Variants in MIDEAS observed in about 807,000 individuals in gnomAD.
MIDEAS encodes mitotic deacetylase associated SANT domain protein.
Under a neutral mutation model 102.7 loss-of-function variants are expected in MIDEAS, and 26 were observed. That is an observed-to-expected ratio of 0.25 (90% CI 0.19 to 0.35). The LOEUF is 0.35. Among genes scored for constraint, MIDEAS ranks in the 10% least tolerant of loss-of-function variants. The probability of loss-of-function intolerance (pLI) is 1.00; values close to 1 mark genes in which losing one functional copy is unlikely to be tolerated. For synonymous variants in MIDEAS, 585 were observed against 591.0 expected, an observed-to-expected ratio of 0.99 and a Z score of 0.15; for missense variants, 1,231 against 1,435.6, an observed-to-expected ratio of 0.86 and a Z score of 2.30.
rs758270399 is a variant in MIDEAS, at chr14:73,729,770, C to T, written c.1965G>A (p.Thr655=). 29 of 1,613,808 alleles carry T rather than the reference C, an allele frequency of 1.8e-5. No individual in the cohort carries two copies. Among genetic ancestry groups the T allele is most frequent in the South Asian group, 6.6e-5 (6 of 91,088 alleles). ...SERSFELPPY[T]PPPILSPVRE... ...GCACAGGGCTGAGGATGGGGGGCGG[C>T]GTGTAGGGAGGTAGCTCAAAGCTCC... Residue 655 remains threonine (T), a synonymous_variant, in exon 4 of 13, where the codon ACG becomes ACA. Coordinates refer to ENST00000423556, the MANE Select transcript of MIDEAS (RefSeq NM_001367710.1).
intron 1 of MIDEAS, among the ~76,000 whole-genome samples, chr14:73,768,511 CTTTTTTTT>C (rs59819061): frequency 0.26 from 35,656 of 138,550 alleles, 4,283 homozygotes; most frequent in Middle Eastern, 0.36. Flanking sequence ...TTATTGCCAA[CTTTTTTTT>C]TTTTTTTTTT....
rs1595251987 is a variant in MIDEAS, at chr14:73,722,696, A to C, written c.2724+2T>G. On this transcript the variant is annotated splice_donor_variant, in intron 10 of 12. Coordinates refer to ENST00000423556, the MANE Select transcript of MIDEAS (RefSeq NM_001367710.1). LOFTEE classifies it high-confidence loss of function. ...TGCAGCTGAGGTTGGAAAAGGAGTC[A>C]CCTTAATATCCACTTCAACCTCTTC... 1.2e-6 allele frequency: 2 copies of C among 1,613,588 alleles called. No individual in the cohort carries two copies. The highest frequency in any genetic ancestry group is 1.7e-6 in the Non-Finnish European group (2 of 1,179,684).
At position 73,726,111 on chromosome 14, in the gene MIDEAS, G is replaced by A. The variant is rs368547963; in HGVS notation, c.2410-3C>T. ...AGCAGCAGCTTATTCAGCGTTTCCTGGAGGGGAAGTGAGGGAAGGGTCAGG... is the reference window on the plus strand; with the variant it reads ...AGCAGCAGCTTATTCAGCGTTTCCTAGAGGGGAAGTGAGGGAAGGGTCAGG... On this transcript the variant is annotated splice_polypyrimidine_tract_variant and splice_region_variant and intron_variant, in intron 7 of 12. Coordinates refer to ENST00000423556, the MANE Select transcript of MIDEAS (RefSeq NM_001367710.1). 11 of 1,586,930 alleles carry A rather than the reference G, an allele frequency of 6.9e-6. No homozygotes were observed. The highest frequency in any genetic ancestry group is 4.0e-5 in the African/African-American group (3 of 74,732).
At chr14:73,738,135 C>A (rs1036386894) in intron 2 of MIDEAS, among the ~76,000 whole-genome samples, 2 of 152,052 alleles carry the variant, frequency 1.3e-5, no homozygotes, top group African/African-American at 4.8e-5. Context: ...CGGTGGCTCA[C>A]GCCTGTAATC....
Position 73,760,207 on chromosome 14 carries a change from T to G in MIDEAS, c.-692A>C, listed in dbSNP as rs1169344761. 1 of 151,114 alleles carries G rather than the reference T, an allele frequency of 6.6e-6. No individual in the cohort carries two copies. The highest frequency in any genetic ancestry group is 6.6e-5 in the Admixed American group (1 of 15,068). The allele number at this position is 151,114 out of a possible 1,614,324, so 9.4% of individuals were successfully genotyped here. ...AGGACTCTGGCGTGCTACAAAGGAT[T>G]GCACAACTCGAGGCTGGGAGCGCGG... On this transcript the variant is annotated 5_prime_UTR_variant, in exon 1 of 13. Coordinates refer to ENST00000423556, the MANE Select transcript of MIDEAS (RefSeq NM_001367710.1). The surrounding 1 kb of genome is among the most constrained non-coding windows in gnomAD (Gnocchi z 4.8).
At position 73,729,983 on chromosome 14, in the gene MIDEAS, T is replaced by C. The variant is rs2075025; in HGVS notation, c.1752A>G (p.Ala584=). Reference sequence around the variant, plus strand: ...CCTCCAACTTGACATTCATGTCCTCTGCCTGGAGAAGGAAAGAAAACAAGG... The same window carrying C: ...CCTCCAACTTGACATTCATGTCCTCCGCCTGGAGAAGGAAAGAAAACAAGG... The part of the protein sequence containing the change: ...RIPGTDAQAQ[A]EDMNVKLEGE... The change falls in exon 4 of 13, where the codon GCA becomes GCG. Residue 584 remains alanine, a splice_region_variant and synonymous_variant. Coordinates refer to ENST00000423556, the MANE Select transcript of MIDEAS (RefSeq NM_001367710.1). 0.41 allele frequency: 656,235 copies of C among 1,600,624 alleles called. 145,460 individuals are homozygous for C. Among genetic ancestry groups the C allele is most frequent in the East Asian group, 0.86 (38,202 of 44,566 alleles).
intron 3 of MIDEAS, among the ~76,000 whole-genome samples, chr14:73,733,704 T>C (rs911292372): frequency 6.6e-6 from 1 of 152,214 alleles, no homozygotes; most frequent in African/African-American, 2.4e-5. Context: ...TTTTCTTCTG[T>C]TTTTGTTTGA....
At chr14:73,782,826 T>C (rs2053768772) in intron 1 of MIDEAS, among the ~76,000 whole-genome samples, 1 of 152,120 alleles carries the variant, frequency 6.6e-6, no homozygotes, top group South Asian at 2.1e-4. Flanking sequence ...AGGAAAGAGA[T>C]GCTGGAAATG....
chr14:73,727,512 A>G lies in MIDEAS; in HGVS notation c.2108T>C (p.Val703Ala). 1 of 1,611,878 alleles carries G rather than the reference A, an allele frequency of 6.2e-7. No homozygotes were observed. Among genetic ancestry groups the G allele is most frequent in the Non-Finnish European group, 8.5e-7 (1 of 1,179,038 alleles). ...RTLLRTNSAE[V>A]TPPVLSVMGE... The stretch of plus-strand genomic sequence containing the variant: ...CATCACAGAGAGGACAGGCGGGGTT[A>G]CTTCAGCACTGTCTATGGGACAAAG... The change falls in exon 5 of 13, where the codon GTA becomes GCA. Residue 703 changes from valine to alanine, a missense_variant. By Grantham distance (64) the Val-to-Ala change is moderately conservative. Transcript: ENST00000423556.
upstream of MIDEAS, among the ~76,000 whole-genome samples, chr14:73,787,827 G>T (rs2053832416): frequency 6.6e-6 from 1 of 152,136 alleles, no homozygotes; most frequent in South Asian, 2.1e-4. Flanking sequence ...CCAAGCTGGG[G>T]CTGCAGAATG....
rs951185283 is a variant in MIDEAS, at chr14:73,727,622, G to A, written c.2096-98C>T. 1.0e-5 allele frequency: 12 copies of A among 1,179,106 alleles called. No individual in the cohort carries two copies. The African/African-American group carries it at 1.6e-4, about 15-fold the overall frequency. The allele number at this position is 1,179,106 out of a possible 1,614,324, so 73.0% of individuals were successfully genotyped here. A position where few individuals can be genotyped will look rare whatever the true frequency, so the allele number is the denominator to read the frequency against. On this transcript the variant is annotated intron_variant, in intron 4 of 12. Transcript: ENST00000423556. ...CTGTATGTGCAAGAGTCACAGTGGT[G>A]ACACACAGAGCTCACGCAGGGAACA...
rs1408503052 is a variant in MIDEAS at position 73,759,407 on chromosome 14, T to A, written c.-248+356A>T. Among the ~76,000 whole-genome samples the A allele has an allele frequency of 6.6e-6, 1 of 150,904 alleles. No individual in the cohort carries two copies. Among genetic ancestry groups the A allele is most frequent in the Non-Finnish European group, 1.5e-5 (1 of 67,672 alleles). ...TCCCGAGCCGCCGCGGGCCGCCGGG[T>A]GGGGAGGGCTTTCCTGGCGGGGCCG... On this transcript the variant is annotated intron_variant, in intron 1 of 12. Transcript: ENST00000423556. The surrounding 1 kb of genome is among the most constrained non-coding windows in gnomAD (Gnocchi z 6.7).
At chr14:73,752,383 G>A (rs369606185) in intron 1 of MIDEAS, among the ~76,000 whole-genome samples, 1 of 152,164 alleles carries the variant, frequency 6.6e-6, no homozygotes, top group African/African-American at 2.4e-5. Context: ...GGTAAAGCAG[G>A]GGGTGTAGCA....
chr14:73,757,481 T>A (rs1595286350), intron 1 of MIDEAS, among the ~76,000 whole-genome samples: 1 of 152,240 alleles, frequency 6.6e-6, no homozygotes, highest in East Asian at 1.9e-4. Context: ...CACACTGCAG[T>A]ATGTACACAA....
rs77067606 is a variant in MIDEAS, at chr14:73,721,911, A to G, written c.2725-402T>C. Among the ~76,000 whole-genome samples, 8 of 152,292 alleles carry G rather than the reference A, an allele frequency of 5.3e-5. No individual in the cohort carries two copies. In the East Asian group the frequency reaches 1.5e-3, roughly 29 times the overall value. ...CTTCCTGCCTGCAAAATGGGCAGCA[A>G]ACCACTCCCTGTCTTACCGTAGCAT... On this transcript the variant is annotated intron_variant, in intron 10 of 12. Transcript: ENST00000423556.
chr14:73,723,367 C>G (rs1370942120), intron 9 of MIDEAS: 1 of 153,620 alleles, frequency 6.5e-6, no homozygotes, highest in Non-Finnish European at 1.4e-5. Flanking sequence ...CCAGCCTGGT[C>G]TCAAACTCCT....
chr14:73,764,355 A>AC (rs1566605778), upstream of MIDEAS, among the ~76,000 whole-genome samples: 68 of 151,060 alleles, frequency 4.5e-4, 1 homozygote, highest in African/African-American at 1.5e-3. Flanking sequence ...AAAAAAAAAA[A>AC]AAAAAAAACA....
chr14:73,719,104 A>T, intron 12 of MIDEAS, 96 bp from the exon 13 acceptor site: 1 of 1,455,476 alleles, frequency 6.9e-7, no homozygotes. Context: ...CTTCACCCCC[A>T]CGCTGCACAG....
chr14:73,781,696 TGCACTCCA>T (rs1227285077), intron 1 of MIDEAS, among the ~76,000 whole-genome samples: 2 of 126,610 alleles, frequency 1.6e-5, no homozygotes. Flanking sequence ...ATCGTGCCAT[TGCACTCCA>T]GCCTGGGCAA....
Sources: allele counts gnomAD v4.1 joint callset (sites outside exome capture counted in the v4.1 genomes callset), GRCh38; gene constraint gnomAD v4.1.1; non-coding constraint Gnocchi (gnomAD v3.1); transcripts MANE v1.5; gene names NCBI Gene and HGNC (gene_info 2026-07-23, HGNC 2026-07-21).